Variants in SMARCA2 observed in about 807,000 individuals in gnomAD.
SMARCA2 encodes SWI/SNF-related matrix-associated actin-dependent regulator of chromatin subfamily A member 2.
A neutral mutation model predicts 199.8 loss-of-function variants in SMARCA2; 61 were observed. The observed-to-expected ratio is 0.31, with a 90% confidence interval of 0.25 to 0.38. The LOEUF (loss-of-function observed/expected upper bound fraction) is 0.38. Among genes scored for constraint, SMARCA2 ranks in the 10% least tolerant of loss-of-function variants. The pLI, the probability that SMARCA2 is intolerant of heterozygous loss-of-function variation, is 1.00. For synonymous variants in SMARCA2, 935 were observed against 732.0 expected, an observed-to-expected ratio of 1.28 and a Z score of -4.48; for missense variants, 1,344 against 2,012.2, an observed-to-expected ratio of 0.67 and a Z score of 6.35.
chr9:2,047,141 A>C (rs1586644586), intron 4 of SMARCA2, 88 bp from the exon 5 acceptor site: 1 of 947,566 alleles, frequency 1.1e-6, no homozygotes, highest in Non-Finnish European at 1.3e-6. Flanking sequence ...GGTCCCCAGC[A>C]CTGGGCCCCG....
intron 29 of SMARCA2, among the ~76,000 whole-genome samples, chr9:2,175,338 C>G (rs1012534921): frequency 7.0e-6 from 1 of 142,590 alleles, no homozygotes; most frequent in East Asian, 2.1e-4. Context: ...CACAAAAACA[C>G]TCTCTGGATC....
intron 18 of SMARCA2, chr9:2,087,274 G>C (rs1296891885): frequency 1.0e-5 from 6 of 601,242 alleles, no homozygotes; most frequent in Non-Finnish European, 1.4e-5. Flanking sequence ...GGTACATGGG[G>C]CATCTAACCC....
intron 14 of SMARCA2, among the ~76,000 whole-genome samples, chr9:2,080,437 T>C (rs948668534): frequency 3.3e-5 from 5 of 152,174 alleles, no homozygotes; most frequent in Non-Finnish European, 5.9e-5. Flanking sequence ...TTACCAATTT[T>C]CTCTAAAAAA....
chr9:2,153,469 C>G (rs549541268), intron 27 of SMARCA2, among the ~76,000 whole-genome samples: 36 of 152,066 alleles, frequency 2.4e-4, no homozygotes, highest in African/African-American at 8.7e-4. Flanking sequence ...AAGGTTAAGG[C>G]TGTAGTGAGC....
rs563732903 is a variant in SMARCA2 at position 2,047,548 on chromosome 9, G to T, written c.1046+64G>T. 1.7e-4 allele frequency: 210 copies of T among 1,233,762 alleles called. 1 individual carries two copies. Among genetic ancestry groups the T allele is most frequent in the African/African-American group, 1.3e-4 (8 of 63,710 alleles). 76.4% of individuals were successfully genotyped at this position (1,233,762 alleles called of 1,614,324 possible). A position where few individuals can be genotyped will look rare whatever the true frequency, so the allele number is the denominator to read the frequency against. On this transcript the variant is annotated intron_variant, in intron 5 of 33. Coordinates refer to ENST00000349721, the MANE Select transcript of SMARCA2 (RefSeq NM_003070.5). The stretch of plus-strand genomic sequence containing the variant: ...CTAGCACCTGCCGCCCAAGCCGAGG[G>T]GGGTGAGGCGCCTGCCTCCTTGGTT...
intron 14 of SMARCA2, among the ~76,000 whole-genome samples, chr9:2,078,354 C>T (rs183035202): frequency 9.9e-4 from 150 of 152,110 alleles, no homozygotes; most frequent in African/African-American, 3.4e-3. Flanking sequence ...TGCCTGTAAT[C>T]CCGGCTACTC....
intron 19 of SMARCA2, among the ~76,000 whole-genome samples, chr9:2,094,509 T>G (rs1055574816): frequency 1.3e-5 from 2 of 152,174 alleles, no homozygotes; most frequent in Non-Finnish European, 2.9e-5. Flanking sequence ...GCCTTCCACA[T>G]TCAGGAAGGT....
intron 27 of SMARCA2, among the ~76,000 whole-genome samples, chr9:2,159,271 A>G (rs1825542011): frequency 6.6e-6 from 1 of 152,244 alleles, no homozygotes; most frequent in African/African-American, 2.4e-5. Flanking sequence ...TTACAGCATG[A>G]AACTGAAAGT....
chr9:2,138,231 G>T (rs911504512), intron 27 of SMARCA2, among the ~76,000 whole-genome samples: 19 of 151,876 alleles, frequency 1.3e-4, no homozygotes, highest in Admixed American at 1.3e-4. Context: ...AAGACAAAAA[G>T]TATTAATTGG....
At chr9:2,044,741 C>G (rs1207190302) in intron 4 of SMARCA2, 1 of 152,154 alleles carries the variant, frequency 6.6e-6, no homozygotes, top group African/African-American at 2.4e-5. Flanking sequence ...TGGGAAGATA[C>G]AGGGTGTTTA....
chr9:2,059,449 T>TC (rs1820490960), intron 8 of SMARCA2, among the ~76,000 whole-genome samples: 1 of 152,186 alleles, frequency 6.6e-6, no homozygotes, highest in Non-Finnish European at 1.5e-5. Flanking sequence ...GAGAGGACTG[T>TC]CCGAGAGGTT....
At chr9:2,100,702 CAAA>C (rs923678613) in intron 21 of SMARCA2, among the ~76,000 whole-genome samples, 1 of 110,118 alleles carries the variant, frequency 9.1e-6, no homozygotes, top group Admixed American at 9.4e-5. Flanking sequence ...GACTCTGTCT[CAAA>C]AAAAAAAAAA....
intron 27 of SMARCA2, chr9:2,160,318 AT>A (rs1322588420): frequency 7.3e-6 from 3 of 409,562 alleles, no homozygotes; most frequent in Non-Finnish European, 1.3e-5. Context: ...TTGTCTTTTG[AT>A]TATTAAGGCC....
intron 27 of SMARCA2, chr9:2,160,531 A>G: frequency 1.5e-6 from 1 of 672,308 alleles, no homozygotes; most frequent in Non-Finnish European, 2.7e-6. Flanking sequence ...GAAAGAAATT[A>G]TGTCTGAGCT....
rs1381494822 is a variant in SMARCA2 at position 2,086,684 on chromosome 9, T to C, written c.2527-145T>C. The C allele has an allele frequency of 9.8e-6, 8 of 818,578 alleles. No homozygotes were observed. The highest frequency in any genetic ancestry group is 1.6e-5 in the Non-Finnish European group (8 of 508,428). The allele number at this position is 818,578 out of a possible 1,614,324, so 50.7% of individuals were successfully genotyped here. A position where few individuals can be genotyped will look rare whatever the true frequency, so the allele number is the denominator to read the frequency against. On this transcript the variant is annotated intron_variant, in intron 17 of 33. Coordinates refer to ENST00000349721, the MANE Select transcript of SMARCA2 (RefSeq NM_003070.5). The surrounding 1 kb of genome is among the most constrained non-coding windows in gnomAD (Gnocchi z 4.3). ...GCGGCCTATCAGGCATGAGACATTG[T>C]TGAGATTCCCTTGTCTCAAAGGTAA...
At chr9:2,020,245 A>G (rs1489006172) in intron 1 of SMARCA2, among the ~76,000 whole-genome samples, 2 of 152,104 alleles carry the variant, frequency 1.3e-5, no homozygotes, top group Non-Finnish European at 2.9e-5. Flanking sequence ...TAAAAGAATT[A>G]TCTTCTAAAT....
At chr9:2,160,720 C>T (rs953876786) in intron 27 of SMARCA2, 8 of 549,294 alleles carry the variant, frequency 1.5e-5, no homozygotes, top group African/African-American at 1.3e-4. Flanking sequence ...CAAATAACAA[C>T]ATTAGTTATT....
Position 2,161,819 on chromosome 9 carries a change from C to T in SMARCA2, c.4115C>T (p.Pro1372Leu). 6.2e-7 allele frequency: 1 copy of T among 1,614,066 alleles called. No individual in the cohort carries two copies. The highest frequency in any genetic ancestry group is 1.7e-5 in the Admixed American group (1 of 60,016). The change falls in exon 28 of 34, where the codon CCC (proline) becomes CTC (leucine). Residue 1372 changes from proline to leucine, a missense_variant. Transcript: ENST00000349721. The surrounding 1 kb of genome is among the most constrained non-coding windows in gnomAD (Gnocchi z 4.7). Reference sequence around the variant, plus strand: ...GCTAAGAAGAGAAGAGGCCGCCCTCCCGCTGAGAAACTGTCACCAAATCCC... The same window carrying T: ...GCTAAGAAGAGAAGAGGCCGCCCTCTCGCTGAGAAACTGTCACCAAATCCC... ...EKAKKRRGRP[P>L]AEKLSPNPPK...
chr9:2,039,808 A>C lies in SMARCA2; in HGVS notation c.698A>C (p.Gln233Pro), dbSNP rs1563724933. The C allele has an allele frequency of 1.9e-6, 3 of 1,608,186 alleles. No homozygotes were observed. The highest frequency in any genetic ancestry group is 2.5e-6 in the Non-Finnish European group (3 of 1,177,140). ...CAGCAGCAGCAGCAGCAGCAGCAGCAGCAGCAGCAACAGCAGCCGCAGCAG... is the reference window on the plus strand; with the variant it reads ...CAGCAGCAGCAGCAGCAGCAGCAGCCGCAGCAGCAACAGCAGCCGCAGCAG... ...QQQQQQQQQQ[Q>P]QQQQQPQQQP... Residue 233 changes from glutamine to proline, a missense_variant, in exon 4 of 34, where the codon CAG (glutamine) becomes CCG (proline). By Grantham distance (76) the Gln-to-Pro change is moderately conservative (BLOSUM62 -1). Transcript: ENST00000349721. The surrounding 1 kb of genome is among the most constrained non-coding windows in gnomAD (Gnocchi z 4.8).
Sources: gnomAD v4.1 joint callset for allele counts (sites outside exome capture counted in the v4.1 genomes callset) on GRCh38, gnomAD v4.1.1 for gene constraint, Gnocchi (gnomAD v3.1) non-coding constraint, MANE v1.5 for transcripts, NCBI Gene and HGNC (gene_info 2026-07-23, HGNC 2026-07-21) for gene names.